Variants in LMBRD1 observed in about 807,000 individuals in gnomAD.
The protein encoded by LMBRD1 is LMBR1 domain containing 1, also known as lysosomal cobalamin transport escort protein LMBD1.
In LMBRD1, 64 loss-of-function variants were observed where a neutral mutation model predicts 74.8. That is an observed-to-expected ratio of 0.86 (90% CI 0.70 to 1.05). LMBRD1 has a LOEUF of 1.05. LMBRD1 is among the 50% of genes least tolerant of loss of function. The probability of loss-of-function intolerance (pLI) is 0.00; values close to 1 mark genes in which losing one functional copy is unlikely to be tolerated. For missense variants in LMBRD1, 652 were observed against 645.9 expected, an observed-to-expected ratio of 1.01 and a Z score of -0.10; for synonymous variants, 204 against 216.3, an observed-to-expected ratio of 0.94 and a Z score of 0.50.
chr6:69,756,891 T>C (rs946587609), intron 3 of LMBRD1, among the ~76,000 whole-genome samples: 13 of 152,158 alleles, frequency 8.5e-5, no homozygotes, highest in African/African-American at 2.7e-4. Context: ...ATTAGTAACA[T>C]AGAGAACACA....
chr6:69,708,414 G>A (rs1766309105), intron 9 of LMBRD1, among the ~76,000 whole-genome samples: 1 of 152,146 alleles, frequency 6.6e-6, no homozygotes, highest in African/African-American at 2.4e-5. Flanking sequence ...GAACTGCACT[G>A]CATACATTAT....
intron 3 of LMBRD1, among the ~76,000 whole-genome samples, chr6:69,764,085 T>A (rs987367028): frequency 2.6e-5 from 4 of 152,288 alleles, no homozygotes; most frequent in Non-Finnish European, 4.4e-5. Flanking sequence ...TAGGATGGAA[T>A]AAACGTATTT....
chr6:69,681,108 T>C (rs921358086), intron 14 of LMBRD1, among the ~76,000 whole-genome samples: 5 of 151,848 alleles, frequency 3.3e-5, no homozygotes, highest in African/African-American at 1.2e-4. Context: ...AAACTTCCAA[T>C]TAAACTAAAG....
rs1766029525 is a variant in LMBRD1, at chr6:69,697,549, C to A, written c.1417+14G>T. 1.3e-6 allele frequency: 2 copies of A among 1,557,512 alleles called. No individual in the cohort carries two copies. Among genetic ancestry groups the A allele is most frequent in the Non-Finnish European group, 1.8e-6 (2 of 1,129,484 alleles). On this transcript the variant is annotated intron_variant, in intron 14 of 15. Coordinates refer to ENST00000649934, the MANE Select transcript of LMBRD1 (RefSeq NM_018368.4). ...TCCTAAAAAGTTGTAAGTTCTAAAA[C>A]AAGCTGTTTTTACCTTCAGGAGCAT...
intron 14 of LMBRD1, among the ~76,000 whole-genome samples, chr6:69,677,004 C>T (rs1433210324): frequency 1.3e-5 from 2 of 152,110 alleles, no homozygotes; most frequent in East Asian, 1.9e-4. Context: ...GTAAGTTTCA[C>T]GGTCAACACT....
rs1489578786 is a variant in LMBRD1 at position 69,701,881 on chromosome 6, GTACT to G, written c.980+4_980+7del. The stretch of plus-strand genomic sequence containing the variant: ...AAGTGCTTTAGAAAATGTGTCTACT[GTACT>G]TACTTTGACAAGAAGAGAGAAATTA... On this transcript the variant is annotated splice_donor_5th_base_variant and intron_variant, in intron 10 of 15. Transcript: ENST00000649934. The G allele has an allele frequency of 4.5e-6, 7 of 1,542,328 alleles. No individual in the cohort carries two copies. The highest frequency in any genetic ancestry group is 1.4e-5 in the African/African-American group (1 of 73,308).
At chr6:69,766,134 A>G (rs1262165334) in intron 3 of LMBRD1, among the ~76,000 whole-genome samples, 1 of 151,542 alleles carries the variant, frequency 6.6e-6, no homozygotes, top group African/African-American at 2.4e-5. Context: ...ATTTAAGTAA[A>G]TTTATTCATT....
In LMBRD1 at chr6:69,761,416, T is replaced by C. The variant is rs145010081; in HGVS notation, c.308-9060A>G. Among the ~76,000 whole-genome samples, 215 of 152,322 alleles carry C rather than the reference T, an allele frequency of 1.4e-3. 1 individual carries two copies. In the Middle Eastern group the frequency reaches 0.02, roughly 14 times the overall value. On this transcript the variant is annotated intron_variant, in intron 3 of 15. Transcript: ENST00000649934. Reference sequence around the variant, plus strand: ...ATAGCAACAAAGAATCACATTCCAATGTATAAGCCTTAGTCCTTCATAACT... The same window carrying C: ...ATAGCAACAAAGAATCACATTCCAACGTATAAGCCTTAGTCCTTCATAACT...
At chr6:69,736,535 T>C (rs927610967) in intron 7 of LMBRD1, among the ~76,000 whole-genome samples, 7 of 152,212 alleles carry the variant, frequency 4.6e-5, no homozygotes, top group Non-Finnish European at 7.3e-5. Context: ...AGGTTACAAG[T>C]AGGGTAAATA....
In LMBRD1 at chr6:69,741,763, T is replaced by C. The variant is rs754516577; in HGVS notation, c.562+26A>G. The stretch of plus-strand genomic sequence containing the variant: ...AAGTATCAGGAAATATAAACTACTA[T>C]GTTTTTTAAAAAAAACAATACTTAC... On this transcript the variant is annotated intron_variant, in intron 6 of 15. Transcript: ENST00000649934. 28 of 1,323,590 alleles carry C rather than the reference T, an allele frequency of 2.1e-5. No homozygotes were observed. The Middle Eastern group carries it at 5.5e-4, about 26-fold the overall frequency. The allele number at this position is 1,323,590 out of a possible 1,614,324, so 82.0% of individuals were successfully genotyped here. A position where few individuals can be genotyped will look rare whatever the true frequency, so the allele number is the denominator to read the frequency against.
intron 3 of LMBRD1, among the ~76,000 whole-genome samples, chr6:69,760,392 C>A (rs964141667): frequency 2.0e-5 from 3 of 151,994 alleles, no homozygotes; most frequent in Admixed American, 6.6e-5. Flanking sequence ...AACTGAAAGG[C>A]AAAGCAAGGG....
chr6:69,708,871 C>T (rs1176142229), intron 9 of LMBRD1, among the ~76,000 whole-genome samples: 1 of 152,094 alleles, frequency 6.6e-6, no homozygotes, highest in Admixed American at 6.5e-5. Context: ...ACAGAGAGAG[C>T]TGTATAGAAG....
intron 14 of LMBRD1, among the ~76,000 whole-genome samples, chr6:69,694,506 C>G (rs543539408): frequency 4.5e-4 from 69 of 152,258 alleles, no homozygotes; most frequent in African/African-American, 1.7e-3. Flanking sequence ...TTTATTTATA[C>G]TAACAACATT....
chr6:69,678,432 G>A, intron 14 of LMBRD1, among the ~76,000 whole-genome samples: 1 of 151,458 alleles, frequency 6.6e-6, no homozygotes, highest in African/African-American at 2.4e-5. Context: ...AACTTTTATT[G>A]AAAAAAAATC....
intron 5 of LMBRD1, chr6:69,746,588 C>T (rs548894297): frequency 6.5e-6 from 1 of 152,792 alleles, no homozygotes; most frequent in African/African-American, 2.4e-5. Flanking sequence ...GATGTGCCAT[C>T]TGGAGAAACT....
intron 9 of LMBRD1, among the ~76,000 whole-genome samples, chr6:69,712,498 T>C (rs1267956761): frequency 6.6e-6 from 1 of 151,770 alleles, no homozygotes; most frequent in African/African-American, 2.4e-5. Context: ...TACAAATAGA[T>C]AAATTCATAA....
chr6:69,774,040 T>G (rs1368590353), intron 3 of LMBRD1, among the ~76,000 whole-genome samples: 4 of 152,230 alleles, frequency 2.6e-5, no homozygotes, highest in Non-Finnish European at 5.9e-5. Flanking sequence ...ATGATATGGT[T>G]TGGCTCTGCG....
chr6:69,734,908 G>T (rs887281720), intron 7 of LMBRD1, among the ~76,000 whole-genome samples: 2 of 152,156 alleles, frequency 1.3e-5, no homozygotes, highest in Non-Finnish European at 2.9e-5. Flanking sequence ...AGTGACGATG[G>T]TTGTGGTCAT....
At chr6:69,677,899 C>T (rs1171048176) in intron 14 of LMBRD1, among the ~76,000 whole-genome samples, 1 of 151,942 alleles carries the variant, frequency 6.6e-6, no homozygotes, top group Non-Finnish European at 1.5e-5. Flanking sequence ...TTTGTGTAAA[C>T]CCCATATTAG....
Sources: gnomAD v4.1 joint callset for allele counts (sites outside exome capture counted in the v4.1 genomes callset) on GRCh38, gnomAD v4.1.1 for gene constraint, MANE v1.5 for transcripts, NCBI Gene and HGNC (gene_info 2026-07-23, HGNC 2026-07-21) for gene names.